Variants in PABPC4L observed in about 807,000 individuals in gnomAD.
PABPC4L encodes polyadenylate-binding protein 4-like.
For synonymous variants in PABPC4L, 169 were observed against 164.1 expected (o/e 1.03, Z -0.23); for missense variants, 452 against 451.4 (o/e 1.00, Z -0.01).
the PABPC4L span, among the ~76,000 whole-genome samples, chr4:133,977,000 C>T: frequency 1.3e-5 from 2 of 152,066 alleles, no homozygotes; most frequent in Non-Finnish European, 2.9e-5. Flanking sequence ...TGTCTATGTC[C>T]TGAATGGTGT....
chr4:134,177,631 A>G, the PABPC4L span, among the ~76,000 whole-genome samples: 798 of 152,034 alleles, frequency 5.2e-3, 10 homozygotes, highest in African/African-American at 0.018. Flanking sequence ...TTCCACTTCT[A>G]TGTGAACTCA....
At chr4:133,977,544 A>G in the PABPC4L span, among the ~76,000 whole-genome samples, 31 of 152,264 alleles carry the variant, frequency 2.0e-4, no homozygotes, top group Admixed American at 9.2e-4. Context: ...ATCCATGAGC[A>G]TGGAATGTTT....
the PABPC4L span, among the ~76,000 whole-genome samples, chr4:134,003,078 T>C: frequency 2.6e-5 from 4 of 151,932 alleles, no homozygotes; most frequent in East Asian, 7.7e-4. Flanking sequence ...TCACTTCTCA[T>C]TGTAAAGTCC....
chr4:134,013,342 G>A, the PABPC4L span, among the ~76,000 whole-genome samples: 1 of 151,512 alleles, frequency 6.6e-6, no homozygotes, highest in African/African-American at 2.4e-5. Flanking sequence ...TGCTTTTCTG[G>A]AGGGCAAGAA....
the PABPC4L span, among the ~76,000 whole-genome samples, chr4:134,011,270 TA>T: frequency 1.3e-5 from 2 of 152,096 alleles, no homozygotes; most frequent in African/African-American, 2.4e-5. Context: ...GACCTAATGC[TA>T]ATTTTTATTG....
chr4:134,132,656 C>A, the PABPC4L span, among the ~76,000 whole-genome samples: 6 of 151,732 alleles, frequency 4.0e-5, no homozygotes, highest in East Asian at 9.7e-4. Context: ...TGCGTAAATT[C>A]TTTAAAGAAT....
chr4:134,195,480 T>A (rs115277397), downstream of PABPC4L, among the ~76,000 whole-genome samples: 570 of 151,938 alleles, frequency 3.8e-3, 1 homozygote, highest in African/African-American at 0.013. Context: ...TTCAGTGATA[T>A]TGCCTTCGCA....
chr4:133,969,660 T>C, the PABPC4L span, among the ~76,000 whole-genome samples: 1 of 152,190 alleles, frequency 6.6e-6, no homozygotes, highest in Non-Finnish European at 1.5e-5. Context: ...CAGAAACACA[T>C]GGCATGTGGG....
the PABPC4L span, among the ~76,000 whole-genome samples, chr4:133,990,234 C>T: frequency 4.6e-5 from 7 of 152,162 alleles, no homozygotes; most frequent in East Asian, 1.4e-3. Context: ...CTCCATTTTT[C>T]CAAAAGCATG....
At chr4:134,017,746 A>G in the PABPC4L span, among the ~76,000 whole-genome samples, 1 of 152,012 alleles carries the variant, frequency 6.6e-6, no homozygotes. Context: ...ATAATTCTAT[A>G]TGACAAATGT....
At chr4:134,125,245 C>A in the PABPC4L span, among the ~76,000 whole-genome samples, 13 of 151,942 alleles carry the variant, frequency 8.6e-5, no homozygotes, top group African/African-American at 2.7e-4. Context: ...ACTCCTTTTC[C>A]TTTTATTTAG....
the PABPC4L span, among the ~76,000 whole-genome samples, chr4:134,098,271 T>C: frequency 6.6e-6 from 1 of 151,696 alleles, no homozygotes; most frequent in Non-Finnish European, 1.5e-5. Flanking sequence ...ATTACACAAA[T>C]TTATAGACAG....
At chr4:134,081,930 T>C in the PABPC4L span, among the ~76,000 whole-genome samples, 1 of 152,166 alleles carries the variant, frequency 6.6e-6, no homozygotes, top group African/African-American at 2.4e-5. Flanking sequence ...CAACACTTAA[T>C]AATAATAGAA....
At chr4:134,050,880 A>ATTTTTTTTTTTTTTTTTTT in the PABPC4L span, among the ~76,000 whole-genome samples, 1 of 134,732 alleles carries the variant, frequency 7.4e-6, no homozygotes, top group Non-Finnish European at 1.6e-5. Flanking sequence ...ATTGACCTTT[A>ATTTTTTTTTTTTTTTTTTT]TTTTTTTTTT....
chr4:133,963,116 T>A, the PABPC4L span, among the ~76,000 whole-genome samples: 1 of 152,030 alleles, frequency 6.6e-6, no homozygotes, highest in African/African-American at 2.4e-5. Flanking sequence ...ACATAAGGAC[T>A]CACATAAACT....
At chr4:134,139,086 C>G in the PABPC4L span, among the ~76,000 whole-genome samples, 1 of 152,064 alleles carries the variant, frequency 6.6e-6, no homozygotes, top group East Asian at 1.9e-4. Flanking sequence ...TGACTCAACA[C>G]AAAGGCTCAC....
chr4:134,101,024 A>G, the PABPC4L span, among the ~76,000 whole-genome samples: 1 of 151,520 alleles, frequency 6.6e-6, no homozygotes, highest in East Asian at 1.9e-4. Flanking sequence ...AGAAGAAAAC[A>G]TTAGAAAATT....
the PABPC4L span, among the ~76,000 whole-genome samples, chr4:134,052,253 G>A: frequency 6.6e-6 from 1 of 151,954 alleles, no homozygotes; most frequent in South Asian, 2.1e-4. Flanking sequence ...GTAATGACAT[G>A]AATATTCTCA....
the PABPC4L span, chr4:134,010,721 C>T: frequency 1.3e-5 from 2 of 152,152 alleles, no homozygotes; most frequent in South Asian, 4.1e-4. Flanking sequence ...TGTATTACAG[C>T]CAAGTCGATG....
Sources: allele counts gnomAD v4.1 joint callset (sites outside exome capture counted in the v4.1 genomes callset), GRCh38; gene constraint gnomAD v4.1.1; transcripts MANE v1.5; gene names NCBI Gene and HGNC (gene_info 2026-07-23, HGNC 2026-07-21).